The following OR4D10 variants were observed in gnomAD, a reference collection of about 807,000 sequenced individuals.
The protein encoded by OR4D10 is olfactory receptor family 4 subfamily D member 10.
For synonymous variants in OR4D10, 188 were observed against 153.2 expected (o/e 1.23, Z -1.68); for missense variants, 395 against 378.0 (o/e 1.04, Z -0.37).
rs560664662 is a variant in OR4D10 at position 59,478,021 on chromosome 11, C to T, written c.592C>T (p.Leu198=). The T allele has an allele frequency of 5.6e-6, 9 of 1,614,164 alleles. No homozygotes were observed. The African/African-American group carries it at 6.7e-5, about 12-fold the overall frequency. The part of the protein sequence containing the change: ...AHTDIFILEL[L]MISNNGLLTT... ...TACAGACATTTTCATACTTGAACTACTAATGATTTCCAACAATGGACTGCT... is the reference window on the plus strand; with the variant it reads ...TACAGACATTTTCATACTTGAACTATTAATGATTTCCAACAATGGACTGCT... The change falls in exon 3 of 3, where the codon CTA becomes TTA. Residue 198 remains leucine, a synonymous_variant. Transcript: ENST00000530162.
In OR4D10 at chr11:59,477,601, C is replaced by G; in HGVS notation, c.172C>G (p.Pro58Ala). The change falls in exon 3 of 3, where the codon CCC becomes GCC. Residue 58 changes from proline (P) to alanine (A), a missense_variant. Coordinates refer to ENST00000530162, the MANE Select transcript of OR4D10 (RefSeq NM_001004705.2). ...TACCTGTGAATCTCGCCTTCACACG[C>G]CCATGTATTTTTTGCTCCATAATTT... ...TVTCESRLHT[P>A]MYFLLHNLSI... 6.2e-7 allele frequency: 1 copy of G among 1,614,108 alleles called. No individual in the cohort carries two copies. The highest frequency in any genetic ancestry group is 8.5e-7 in the Non-Finnish European group (1 of 1,179,988).
At position 59,478,123 on chromosome 11, in the gene OR4D10, G is replaced by T; in HGVS notation, c.694G>T (p.Gly232Cys). ...ATTACCCAAGTCTCAGGCAGGAGAG[G>T]GCAGGAGGAAAGCCATCTCCACCTG... is the stretch of plus-strand genomic sequence containing the variant. ...LSLPKSQAGE[G>C]RRKAISTCTS... The change falls in exon 3 of 3, where the codon GGC (glycine) becomes TGC (cysteine). Residue 232 changes from glycine (G) to cysteine (C), a missense_variant. By Grantham distance (159) the Gly-to-Cys change is radical. Transcript: ENST00000530162. 6.2e-7 allele frequency: 1 copy of T among 1,613,926 alleles called. No individual in the cohort carries two copies. Among genetic ancestry groups the T allele is most frequent in the Non-Finnish European group, 8.5e-7 (1 of 1,179,966 alleles).
At chr11:59,475,282 C>T (rs993423324) in intron 2 of OR4D10, among the ~76,000 whole-genome samples, 1 of 151,984 alleles carries the variant, frequency 6.6e-6, no homozygotes, top group African/African-American at 2.4e-5. Flanking sequence ...TCCTTCCATT[C>T]CACACTTCCT....
At chr11:59,476,759 G>A (rs1237079587) in intron 2 of OR4D10, among the ~76,000 whole-genome samples, 1 of 151,948 alleles carries the variant, frequency 6.6e-6, no homozygotes, top group Non-Finnish European at 1.5e-5. Flanking sequence ...AAGGACCGAT[G>A]GAACCAATGC....
chr11:59,478,377 C>T lies in OR4D10; in HGVS notation c.*12C>T. 1 of 1,522,990 alleles carries T rather than the reference C, an allele frequency of 6.6e-7. No individual in the cohort carries two copies. The highest frequency in any genetic ancestry group is 1.3e-5 in the South Asian group (1 of 78,218). 94.3% of individuals were successfully genotyped at this position (1,522,990 alleles called of 1,614,324 possible). On this transcript the variant is annotated 3_prime_UTR_variant, in exon 3 of 3. Coordinates refer to ENST00000530162, the MANE Select transcript of OR4D10 (RefSeq NM_001004705.2). ...CTGATAGAAAATAGAAAAAAAAATC[C>T]TCAGCTCTTCATCACCAAAGATATC...
chr11:59,474,884 G>C lies in OR4D10; in HGVS notation c.-169+1091G>C, dbSNP rs528359626. On this transcript the variant is annotated intron_variant, in intron 2 of 2. Transcript: ENST00000530162. ...ATCCTGGCTAACACAGTGAAACCCC[G>C]TCTCTACTAAAAATACAAAAAAAAA... is the stretch of plus-strand genomic sequence containing the variant. 1.6e-5 allele frequency among the ~76,000 whole-genome samples: 2 copies of C among 124,812 alleles called. 1 individual carries two copies. The highest frequency in any genetic ancestry group is 6.0e-4 in the South Asian group (2 of 3,334). The allele number at this position is 124,812 out of a possible 152,430, so 81.9% of individuals were successfully genotyped here.
In OR4D10 at chr11:59,477,370, ATATCCCAG is replaced by A; in HGVS notation, c.-58_-51del. On this transcript the variant is annotated 5_prime_UTR_variant, in exon 3 of 3. It adds an upstream start codon to the 5' untranslated region. Transcript: ENST00000530162. ...GGTGTTTAGGAAGACAACAAAATAA[ATATCCCAG>A]TGCTTTCACATGACATGGTTTAAAA... 7.9e-7 allele frequency: 1 copy of A among 1,268,860 alleles called. No individual in the cohort carries two copies. Among genetic ancestry groups the A allele is most frequent in the Non-Finnish European group, 1.1e-6 (1 of 919,908 alleles). The allele number at this position is 1,268,860 out of a possible 1,614,324, so 78.6% of individuals were successfully genotyped here.
Position 59,477,548 on chromosome 11 carries a change from T to C in OR4D10, c.119T>C (p.Leu40Pro). 1 of 1,614,148 alleles carries C rather than the reference T, an allele frequency of 6.2e-7. No homozygotes were observed. Among genetic ancestry groups the C allele is most frequent in the Non-Finnish European group, 8.5e-7 (1 of 1,179,996 alleles). ...CTCTTGGTGTATGTGACAACTTTGC[T>C]GGGAAACCTCCTCATCATGGTCACT... ...FLLLVYVTTL[L>P]GNLLIMVTVT... Residue 40 changes from leucine to proline, a missense_variant, in exon 3 of 3, where the codon CTG becomes CCG. Coordinates refer to ENST00000530162, the MANE Select transcript of OR4D10 (RefSeq NM_001004705.2).
At chr11:59,475,622 A>G (rs1211035785) in intron 2 of OR4D10, among the ~76,000 whole-genome samples, 1 of 152,166 alleles carries the variant, frequency 6.6e-6, no homozygotes, top group Admixed American at 6.5e-5. Context: ...GAATATTGCT[A>G]TTACTAGCAG....
At chr11:59,476,960 G>A (rs1020139954) in intron 2 of OR4D10, among the ~76,000 whole-genome samples, 2 of 151,678 alleles carry the variant, frequency 1.3e-5, no homozygotes, top group African/African-American at 4.8e-5. Context: ...ACCAGGAGCA[G>A]CCACAACATT....
At chr11:59,474,667 C>T (rs1858880555) in intron 2 of OR4D10, among the ~76,000 whole-genome samples, 1 of 152,048 alleles carries the variant, frequency 6.6e-6, no homozygotes, top group Non-Finnish European at 1.5e-5. Context: ...TTTCTCACCC[C>T]AACACTCAAG....
In OR4D10 at chr11:59,477,633, T is replaced by C; in HGVS notation, c.204T>C (p.Ile68=). ...ATTTTTTGCTCCATAATTTATCTAT[T>C]GCCGATATCTGCTTCTCTTCCATCA... is the stretch of plus-strand genomic sequence containing the variant. ...PMYFLLHNLS[I]ADICFSSITV... The change falls in exon 3 of 3, where the codon ATT becomes ATC. Residue 68 remains isoleucine, a synonymous_variant. Coordinates refer to ENST00000530162, the MANE Select transcript of OR4D10 (RefSeq NM_001004705.2). 6.2e-7 allele frequency: 1 copy of C among 1,614,142 alleles called. No homozygotes were observed. Among genetic ancestry groups the C allele is most frequent in the Non-Finnish European group, 8.5e-7 (1 of 1,179,970 alleles).
At chr11:59,475,670 C>T (rs932376495) in intron 2 of OR4D10, among the ~76,000 whole-genome samples, 3 of 152,044 alleles carry the variant, frequency 2.0e-5, no homozygotes, top group African/African-American at 7.2e-5. Context: ...AAATGTGTGC[C>T]GAAGGACTGA....
intron 2 of OR4D10, among the ~76,000 whole-genome samples, chr11:59,474,125 T>C (rs1484062539): frequency 6.6e-6 from 1 of 152,236 alleles, no homozygotes; most frequent in African/African-American, 2.4e-5. Context: ...CAAAGATTCA[T>C]GCTATATTCC....
Position 59,478,437 on chromosome 11 carries a change from A to T in OR4D10, c.*72A>T, listed in dbSNP as rs1016798531. 3 of 1,031,940 alleles carry T rather than the reference A, an allele frequency of 2.9e-6. No individual in the cohort carries two copies. In the East Asian group the frequency reaches 7.9e-5, roughly 27 times the overall value. The allele number at this position is 1,031,940 out of a possible 1,614,324, so 63.9% of individuals were successfully genotyped here. On this transcript the variant is annotated 3_prime_UTR_variant, in exon 3 of 3. Coordinates refer to ENST00000530162, the MANE Select transcript of OR4D10 (RefSeq NM_001004705.2). ...TTATTTTTCCCATGAAGTCATATTCATATATTCAAATATATTGTCAAACCA... is the reference window on the plus strand; with the variant it reads ...TTATTTTTCCCATGAAGTCATATTCTTATATTCAAATATATTGTCAAACCA...
intron 2 of OR4D10, 135 bp from the exon 3 acceptor site, chr11:59,477,127 A>G (rs1858915989): frequency 4.0e-6 from 1 of 250,358 alleles, no homozygotes; most frequent in Non-Finnish European, 7.5e-6. Flanking sequence ...TACCAAAAAC[A>G]TCAAATTAAA....
chr11:59,477,359 C>T lies in OR4D10; in HGVS notation c.-71C>T. 8.3e-7 allele frequency: 1 copy of T among 1,198,726 alleles called. No individual in the cohort carries two copies. Among genetic ancestry groups the T allele is most frequent in the Non-Finnish European group, 1.2e-6 (1 of 861,676 alleles). 74.3% of individuals were successfully genotyped at this position (1,198,726 alleles called of 1,614,324 possible). On this transcript the variant is annotated 5_prime_UTR_variant, in exon 3 of 3. The change creates a premature stop within an existing upstream ORF in the 5' untranslated region. Coordinates refer to ENST00000530162, the MANE Select transcript of OR4D10 (RefSeq NM_001004705.2). ...ACTGCATTCTAGGTGTTTAGGAAGA[C>T]AACAAAATAAATATCCCAGTGCTTT...
At position 59,478,016 on chromosome 11, in the gene OR4D10, A is replaced by G. The variant is rs1565084196; in HGVS notation, c.587A>G (p.Glu196Gly). 2 of 1,614,062 alleles carry G rather than the reference A, an allele frequency of 1.2e-6. No homozygotes were observed. Among genetic ancestry groups the G allele is most frequent in the Non-Finnish European group, 1.7e-6 (2 of 1,180,012 alleles). Reference sequence around the variant, plus strand: ...GCCCATACAGACATTTTCATACTTGAACTACTAATGATTTCCAACAATGGA... The same window carrying G: ...GCCCATACAGACATTTTCATACTTGGACTACTAATGATTTCCAACAATGGA... ...KLAHTDIFIL[E>G]LLMISNNGLL... The change falls in exon 3 of 3, where the codon GAA (glutamate) becomes GGA (glycine). Residue 196 changes from glutamate to glycine, a missense_variant. Transcript: ENST00000530162.
At position 59,473,337 on chromosome 11, in the gene OR4D10, C is replaced by G. The variant is rs1191800506; in HGVS notation, c.-528C>G. The G allele has an allele frequency of 6.6e-6, 1 of 152,202 alleles. No homozygotes were observed. Among genetic ancestry groups the G allele is most frequent in the East Asian group, 1.9e-4 (1 of 5,204 alleles). 9.4% of individuals were successfully genotyped at this position (152,202 alleles called of 1,614,324 possible). A position where few individuals can be genotyped will look rare whatever the true frequency, so the allele number is the denominator to read the frequency against. On this transcript the variant is annotated 5_prime_UTR_variant, in exon 1 of 3. Transcript: ENST00000530162. ...ACTCCCATTGAAACTCCCTTACCAA[C>G]AGCAAAATCAGCCACTTGACTTCTC...
Sources: allele counts gnomAD v4.1 joint callset (sites outside exome capture counted in the v4.1 genomes callset), GRCh38; gene constraint gnomAD v4.1.1; transcripts MANE v1.5; gene names NCBI Gene and HGNC (gene_info 2026-07-23, HGNC 2026-07-21).